The following NDUFS6 variants were observed in gnomAD, a reference collection of about 807,000 sequenced individuals.
The protein encoded by NDUFS6 is NADH dehydrogenase [ubiquinone] iron-sulfur protein 6, mitochondrial.
Under a neutral mutation model 13.2 loss-of-function variants are expected in NDUFS6, and 14 were observed. That is an observed-to-expected ratio of 1.06 (90% confidence interval 0.70 to 1.66). The LOEUF (loss-of-function observed/expected upper bound fraction) is 1.66, where lower values mean the gene tolerates loss of function less well. Among genes scored for constraint, NDUFS6 ranks in the 40% most tolerant of loss-of-function variants. NDUFS6 has a pLI of 0.00. For missense variants in NDUFS6, 206 were observed against 170.8 expected, an observed-to-expected ratio of 1.21 and a Z score of -1.15; for synonymous variants, 95 against 72.3, an observed-to-expected ratio of 1.31 and a Z score of -1.60.
At chr5:1,812,828 G>A (rs958674247) in intron 2 of NDUFS6, among the ~76,000 whole-genome samples, 11 of 151,756 alleles carry the variant, frequency 7.2e-5, no homozygotes, top group Non-Finnish European at 1.2e-4. Context: ...CGAGGCGGGC[G>A]GATCACCTAA....
chr5:1,804,050 G>C (rs181300772), intron 2 of NDUFS6, among the ~76,000 whole-genome samples: 3 of 152,238 alleles, frequency 2.0e-5, no homozygotes, highest in Admixed American at 6.5e-5. Flanking sequence ...GGCAGTGACC[G>C]TGGTGACGGA....
intron 2 of NDUFS6, among the ~76,000 whole-genome samples, chr5:1,808,482 C>CA (rs1350593260): frequency 6.6e-6 from 1 of 152,172 alleles, no homozygotes; most frequent in Non-Finnish European, 1.5e-5. Flanking sequence ...TCCCAGGACC[C>CA]AGAGGAAAAT....
intron 2 of NDUFS6, among the ~76,000 whole-genome samples, chr5:1,809,838 C>T (rs1734190879): frequency 1.3e-5 from 2 of 152,246 alleles, no homozygotes; most frequent in Non-Finnish European, 2.9e-5. Flanking sequence ...CAAGGCGAGC[C>T]GCCGGGCCGG....
rs762046948 is a variant in NDUFS6, at chr5:1,814,608, C to T, written c.309+147C>T. The stretch of plus-strand genomic sequence containing the variant: ...GGTTCACACTGCTGGCACATTCACC[C>T]TACAGCGCCACACTACAGGGCCTAC... On this transcript the variant is annotated intron_variant, in intron 3 of 3. Coordinates refer to ENST00000274137, the MANE Select transcript of NDUFS6 (RefSeq NM_004553.6). This position sits in a 1 kb window ranked among gnomAD's most constrained non-coding sequence, Gnocchi z 4.9. 3 of 1,230,648 alleles carry T rather than the reference C, an allele frequency of 2.4e-6. No individual in the cohort carries two copies. The highest frequency in any genetic ancestry group is 2.3e-6 in the Non-Finnish European group (2 of 864,194). 76.2% of individuals were successfully genotyped at this position (1,230,648 alleles called of 1,614,324 possible).
At chr5:1,801,588 C>A in intron 1 of NDUFS6, 39 bp downstream of exon 1, 1 of 1,541,762 alleles carries the variant, frequency 6.5e-7, no homozygotes, top group African/African-American at 1.4e-5. Flanking sequence ...TTCCTCCAGC[C>A]GCACCTCGGG....
In NDUFS6 at chr5:1,814,769, A is replaced by C. The variant is rs536277351; in HGVS notation, c.309+308A>C. 37 of 686,606 alleles carry C rather than the reference A, an allele frequency of 5.4e-5. No individual in the cohort carries two copies. In the Admixed American group the frequency reaches 7.7e-4, roughly 14 times the overall value. 42.5% of individuals were successfully genotyped at this position (686,606 alleles called of 1,614,324 possible). On this transcript the variant is annotated intron_variant, in intron 3 of 3. Coordinates refer to ENST00000274137, the MANE Select transcript of NDUFS6 (RefSeq NM_004553.6). The surrounding 1 kb of genome is among the most constrained non-coding windows in gnomAD (Gnocchi z 4.9). ...ATCATCTCAGCTCAGGCTGCCACAC[A>C]CAGCACCGCAGGCTGGGGTCGAAAA...
chr5:1,802,099 A>G (rs1015138646), intron 1 of NDUFS6: 11 of 550,324 alleles, frequency 2.0e-5, no homozygotes, highest in South Asian at 1.7e-4. Context: ...TTCCCGGGCT[A>G]TGTCTCTGTG....
intron 2 of NDUFS6, among the ~76,000 whole-genome samples, chr5:1,810,778 G>T (rs1330591735): frequency 3.9e-5 from 6 of 151,906 alleles, no homozygotes; most frequent in Admixed American, 3.9e-4. Flanking sequence ...TGTCGGAGTG[G>T]CCAGTCTGGC....
At chr5:1,811,305 G>A (rs1734215771) in intron 2 of NDUFS6, among the ~76,000 whole-genome samples, 1 of 151,984 alleles carries the variant, frequency 6.6e-6, no homozygotes, top group Admixed American at 6.5e-5. Flanking sequence ...AGTTGTTCAA[G>A]GATTAACTGT....
intron 2 of NDUFS6, among the ~76,000 whole-genome samples, chr5:1,802,620 T>G (rs554979119): frequency 4.3e-4 from 66 of 152,354 alleles, no homozygotes; most frequent in African/African-American, 1.6e-3. Flanking sequence ...TGATCTTTTT[T>G]AAAATTCTTG....
chr5:1,808,605 C>A lies in NDUFS6; in HGVS notation c.187-5734C>A, dbSNP rs115777276. Among the ~76,000 whole-genome samples, 245 of 152,292 alleles carry A rather than the reference C, an allele frequency of 1.6e-3. 4 individuals carry two copies. Among genetic ancestry groups the A allele is most frequent in the African/African-American group, 5.5e-3 (229 of 41,556 alleles). On this transcript the variant is annotated intron_variant, in intron 2 of 3. Transcript: ENST00000274137. Reference sequence around the variant, plus strand: ...ATGCAGCTCCCCAGCTTCGTCTTTGCTTCTCTATTGTGTCTTTGTGTCTTG... The same window carrying A: ...ATGCAGCTCCCCAGCTTCGTCTTTGATTCTCTATTGTGTCTTTGTGTCTTG...
intron 1 of NDUFS6, 54 bp from the exon 2 acceptor site, chr5:1,802,267 G>T: frequency 6.8e-7 from 1 of 1,478,336 alleles, no homozygotes; most frequent in South Asian, 1.1e-5. Context: ...GATATGAAGT[G>T]ACTTTCAGAA....
At chr5:1,813,599 GGA>G (rs1334070239) in intron 2 of NDUFS6, among the ~76,000 whole-genome samples, 2 of 152,146 alleles carry the variant, frequency 1.3e-5, no homozygotes, top group East Asian at 3.9e-4. Context: ...GCGGTATTAT[GGA>G]GACACTTTTT....
rs115036216 is a variant in NDUFS6, at chr5:1,815,223, G to A, written c.310-628G>A. ...GATGTGGAACTGGGGTGCAGGGTGGGAGGGAGGCTGCCACAGATCACTCAG... is the reference window on the plus strand; with the variant it reads ...GATGTGGAACTGGGGTGCAGGGTGGAAGGGAGGCTGCCACAGATCACTCAG... On this transcript the variant is annotated intron_variant, in intron 3 of 3. Transcript: ENST00000274137. 1.9e-3 allele frequency among the ~76,000 whole-genome samples: 292 copies of A among 152,216 alleles called. 1 individual carries two copies. In the Middle Eastern group the frequency reaches 0.02, roughly 11 times the overall value.
At chr5:1,802,177 A>G in intron 1 of NDUFS6, 144 bp from the exon 2 acceptor site, 1 of 741,624 alleles carries the variant, frequency 1.3e-6, no homozygotes, top group East Asian at 2.7e-5. Flanking sequence ...CCCTGATTAC[A>G]CCGAGTACTG....
At chr5:1,812,792 T>C (rs6863367) in intron 2 of NDUFS6, among the ~76,000 whole-genome samples, 112,941 of 151,176 alleles carry the variant, frequency 0.75, 44,868 homozygotes, top group Non-Finnish European at 0.88. Context: ...GTGGCTCATG[T>C]CTGTAATCCC....
In NDUFS6 at chr5:1,808,048, C is replaced by T. The variant is rs140089837; in HGVS notation, c.186+5674C>T. Among the ~76,000 whole-genome samples, 275 of 152,290 alleles carry T rather than the reference C, an allele frequency of 1.8e-3. 6 individuals are homozygous for T. In the South Asian group the frequency reaches 0.028, roughly 16 times the overall value. ...GCCAGACAGTGGTGGCTGAGAAGGT[C>T]CTCCGTGAGAGGAAGATTGAATTGA... On this transcript the variant is annotated intron_variant, in intron 2 of 3. Transcript: ENST00000274137.
At chr5:1,813,205 A>G (rs1044546914) in intron 2 of NDUFS6, among the ~76,000 whole-genome samples, 1 of 152,190 alleles carries the variant, frequency 6.6e-6, no homozygotes, top group Non-Finnish European at 1.5e-5. Flanking sequence ...ATTTTTCAAT[A>G]ATAATTTCAT....
Position 1,809,892 on chromosome 5 carries a change from G to A in NDUFS6, c.187-4447G>A, listed in dbSNP as rs185990855. On this transcript the variant is annotated intron_variant, in intron 2 of 3. Coordinates refer to ENST00000274137, the MANE Select transcript of NDUFS6 (RefSeq NM_004553.6). ...CTGGAGCGTGTGGAACAACCTGGGC[G>A]GCGCCACACGGCTCAGGCCTCTGCT... Among the ~76,000 whole-genome samples the A allele has an allele frequency of 3.8e-4, 58 of 152,366 alleles. No homozygotes were observed. The South Asian group carries it at 5.0e-3, about 13-fold the overall frequency.
Sources: gnomAD v4.1 joint callset for allele counts (sites outside exome capture counted in the v4.1 genomes callset) on GRCh38, gnomAD v4.1.1 for gene constraint, Gnocchi (gnomAD v3.1) non-coding constraint, MANE v1.5 for transcripts, NCBI Gene and HGNC (gene_info 2026-07-23, HGNC 2026-07-21) for gene names.